The following MST1R variants were observed in gnomAD, a reference collection of about 807,000 sequenced individuals.
The protein encoded by MST1R is macrophage stimulating 1 receptor, also known as macrophage-stimulating protein receptor.
In MST1R, 99 loss-of-function variants were observed where a neutral mutation model predicts 117.8. The observed-to-expected ratio is 0.84, with a 90% CI of 0.71 to 0.99. MST1R has a LOEUF of 0.99. MST1R is among the 50% of genes least tolerant of loss of function. The pLI, the probability that MST1R is intolerant of heterozygous loss-of-function variation, is 0.00. For synonymous variants in MST1R, 734 were observed against 765.3 expected (o/e 0.96, Z 0.68); for missense variants, 1,683 against 1,840.2 (o/e 0.91, Z 1.56).
chr3:49,897,452 C>A, intron 6 of MST1R, 36 bp from the exon 7 acceptor site: 1 of 1,609,742 alleles, frequency 6.2e-7, no homozygotes, highest in South Asian at 1.1e-5. Context: ...GCAGGTCCTC[C>A]ACTCCAAGCC....
intron 15 of MST1R, 24 bp downstream of exon 15, chr3:49,891,734 C>T: frequency 1.2e-6 from 2 of 1,613,642 alleles, no homozygotes; most frequent in Non-Finnish European, 1.7e-6. Flanking sequence ...CTCCCTCTGC[C>T]TTCCCATCTT....
Position 49,903,171 on chromosome 3 carries a change from C to A in MST1R, c.439G>T (p.Asp147Tyr). The change falls in exon 1 of 20, where the codon GAC becomes TAC. Residue 147 changes from aspartate to tyrosine, a missense_variant. Coordinates refer to ENST00000296474, the MANE Select transcript of MST1R (RefSeq NM_002447.4). ...SSLQGRCFLH[D>Y]LEPQGTAVHL... Reference sequence around the variant, plus strand: ...ACGGCTGTCCCTTGGGGCTCTAGGTCATGCAGGAAGCAGCGGCCCTGCAGG... The same window carrying A: ...ACGGCTGTCCCTTGGGGCTCTAGGTAATGCAGGAAGCAGCGGCCCTGCAGG... 1 of 1,605,092 alleles carries A rather than the reference C, an allele frequency of 6.2e-7. No individual in the cohort carries two copies. The highest frequency in any genetic ancestry group is 8.5e-7 in the Non-Finnish European group (1 of 1,180,002).
intron 16 of MST1R, 21 bp from the exon 17 acceptor site, chr3:49,891,327 G>T: frequency 6.2e-7 from 1 of 1,613,974 alleles, no homozygotes. Context: ...AGGTGGGTTG[G>T]TGGGCAAGGG....
rs61729096 is a variant in MST1R at position 49,896,036 on chromosome 3, G to A, written c.2721C>T (p.His907=). ...AGACAACCATGTCCCCCCGGAACTC[G>A]TGCTGGCAGCTCTCACCACCCACGG... ...NVTVGGESCQ[H]EFRGDMVVCP... is the part of the protein sequence containing the mutation. The change falls in exon 11 of 20, where the codon CAC becomes CAT. Residue 907 remains histidine (H), a synonymous_variant. Coordinates refer to ENST00000296474, the MANE Select transcript of MST1R (RefSeq NM_002447.4). 14 of 1,608,056 alleles carry A rather than the reference G, an allele frequency of 8.7e-6. No homozygotes were observed. In the African/African-American group the frequency reaches 1.2e-4, roughly 14 times the overall value.
At position 49,903,119 on chromosome 3, in the gene MST1R, A is replaced by T. The variant is rs1277624397; in HGVS notation, c.491T>A (p.Phe164Tyr). 6.2e-7 allele frequency: 1 copy of T among 1,604,672 alleles called. No homozygotes were observed. The highest frequency in any genetic ancestry group is 8.5e-7 in the Non-Finnish European group (1 of 1,179,996). Residue 164 changes from phenylalanine to tyrosine, a missense_variant, in exon 1 of 20, where the codon TTC (phenylalanine) becomes TAC (tyrosine). Coordinates refer to ENST00000296474, the MANE Select transcript of MST1R (RefSeq NM_002447.4). ...ATCGGGCCGGTTATGGTGGGCTGAG[A>T]AGAGGCAGGCTGGCGCTGCCAGATG... ...AVHLAAPACL[F>Y]SAHHNRPDDC...
chr3:49,896,962 G>A (rs2082497891), intron 7 of MST1R, 72 bp from the exon 8 acceptor site: 1 of 1,432,692 alleles, frequency 7.0e-7, no homozygotes, highest in East Asian at 2.5e-5. Context: ...CCAGGGGCCT[G>A]TTGACCTCTC....
chr3:49,891,740 A>G lies in MST1R; in HGVS notation c.3352+18T>C. On this transcript the variant is annotated intron_variant, in intron 15 of 19. Coordinates refer to ENST00000296474, the MANE Select transcript of MST1R (RefSeq NM_002447.4). Reference sequence around the variant, plus strand: ...CTGAGGCCCCTCCCTCTGCCTTCCCATCTTCTGCCCCACTTACGACTTAGT... The same window carrying G: ...CTGAGGCCCCTCCCTCTGCCTTCCCGTCTTCTGCCCCACTTACGACTTAGT... 6.2e-7 allele frequency: 1 copy of G among 1,613,894 alleles called. No homozygotes were observed. Among genetic ancestry groups the G allele is most frequent in the Non-Finnish European group, 8.5e-7 (1 of 1,179,792 alleles).
Position 49,895,164 on chromosome 3 carries a change from C to T in MST1R, c.3271+3G>A. ...CTGCCCCAGCCCCACCTGGCCCCCA[C>T]ACCTTTGCCAATGACTCGGTCACTG... On this transcript the variant is annotated splice_donor_region_variant and intron_variant, in intron 14 of 19. Coordinates refer to ENST00000296474, the MANE Select transcript of MST1R (RefSeq NM_002447.4). The T allele has an allele frequency of 1.2e-6, 2 of 1,613,864 alleles. No individual in the cohort carries two copies. Among genetic ancestry groups the T allele is most frequent in the Non-Finnish European group, 1.7e-6 (2 of 1,180,036 alleles).
At position 49,898,504 on chromosome 3, in the gene MST1R, C is replaced by T; in HGVS notation, c.1719+14G>A. 1.2e-6 allele frequency: 2 copies of T among 1,611,884 alleles called. No homozygotes were observed. Among genetic ancestry groups the T allele is most frequent in the Non-Finnish European group, 1.7e-6 (2 of 1,179,068 alleles). On this transcript the variant is annotated intron_variant, in intron 4 of 19. Transcript: ENST00000296474. Reference sequence around the variant, plus strand: ...TGTCCCACTCTTACCTGTGCCCTGCCAGGGAAGCCATACCTCAGTAAGCTT... The same window carrying T: ...TGTCCCACTCTTACCTGTGCCCTGCTAGGGAAGCCATACCTCAGTAAGCTT...
Position 49,898,515 on chromosome 3 carries a change from T to C in MST1R, c.1719+3A>G, listed in dbSNP as rs771832619. The C allele has an allele frequency of 3.7e-5, 59 of 1,613,104 alleles. No homozygotes were observed. Among genetic ancestry groups the C allele is most frequent in the Non-Finnish European group, 4.8e-5 (57 of 1,179,768 alleles). On this transcript the variant is annotated splice_donor_region_variant and intron_variant, in intron 4 of 19. Transcript: ENST00000296474. ...TACCTGTGCCCTGCCAGGGAAGCCA[T>C]ACCTCAGTAAGCTTAGGTGGGCAGT... is the stretch of plus-strand genomic sequence containing the variant.
intron 4 of MST1R, 74 bp downstream of exon 4, chr3:49,898,444 A>C (rs1469970397): frequency 6.4e-7 from 1 of 1,557,364 alleles, no homozygotes; most frequent in Non-Finnish European, 8.7e-7. Flanking sequence ...AAAAATTGTG[A>C]TCAAGACTTG....
intron 7 of MST1R, 151 bp downstream of exon 7, chr3:49,897,129 G>A (rs1307311628): frequency 7.9e-7 from 1 of 1,263,820 alleles, no homozygotes; most frequent in East Asian, 2.4e-5. Context: ...CTTGCCTCTG[G>A]GCTGAAGAGG....
chr3:49,902,308 A>T, intron 1 of MST1R, 72 bp downstream of exon 1: 9 of 1,489,470 alleles, frequency 6.0e-6, no homozygotes, highest in African/African-American at 1.4e-5. Flanking sequence ...CCCCTCAGTG[A>T]TGGAAGGGAA....
At position 49,891,396 on chromosome 3, in the gene MST1R, G is replaced by A. The variant is rs2082310566; in HGVS notation, c.3534+3C>T. The A allele has an allele frequency of 6.2e-7, 1 of 1,613,840 alleles. No homozygotes were observed. The highest frequency in any genetic ancestry group is 8.5e-7 in the Non-Finnish European group (1 of 1,179,886). The stretch of plus-strand genomic sequence containing the variant: ...CCCAACCCAGAGCCAGATGAACACT[G>A]ACCCGCTGAGGTGAGCGGATGAACT... On this transcript the variant is annotated splice_donor_region_variant and intron_variant, in intron 16 of 19. Coordinates refer to ENST00000296474, the MANE Select transcript of MST1R (RefSeq NM_002447.4).
In MST1R at chr3:49,896,756, A is replaced by T. The variant is rs2082486403; in HGVS notation, c.2318T>A (p.Leu773Gln). 1 of 1,585,140 alleles carries T rather than the reference A, an allele frequency of 6.3e-7. No individual in the cohort carries two copies. Among genetic ancestry groups the T allele is most frequent in the Non-Finnish European group, 8.6e-7 (1 of 1,164,176 alleles). ...TFQYREDPVV[L>Q]SISPNCGYIN... ...GTAGCCACAGTTGGGGCTGATGCTTAGCACGACAGGGTCTTCTCTGTACTG... is the reference window on the plus strand; with the variant it reads ...GTAGCCACAGTTGGGGCTGATGCTTTGCACGACAGGGTCTTCTCTGTACTG... The change falls in exon 8 of 20, where the codon CTA (leucine) becomes CAA (glutamine). Residue 773 changes from leucine (L) to glutamine (Q), a missense_variant. Transcript: ENST00000296474.
Position 49,898,202 on chromosome 3 carries a change from G to A in MST1R, c.1729C>T (p.His577Tyr), listed in dbSNP as rs142020857. 3.7e-6 allele frequency: 6 copies of A among 1,613,734 alleles called. No homozygotes were observed. The highest frequency in any genetic ancestry group is 3.3e-5 in the Admixed American group (2 of 60,034). ...GTACTGCCCCTTAGAGGTCCACTGT[G>A]GGGGTGGAACTGAAATGGGGGAAAC... ...CPPKLTEFHP[H>Y]SGPLRGSTRL... is the part of the protein sequence containing the mutation. Residue 577 changes from histidine (H) to tyrosine (Y), a missense_variant, in exon 5 of 20, where the codon CAC (histidine) becomes TAC (tyrosine). Transcript: ENST00000296474.
rs1378626970 is a variant in MST1R, at chr3:49,887,674, G to A, written c.3948-112C>T. On this transcript the variant is annotated intron_variant, in intron 19 of 19. Transcript: ENST00000296474. ...ACACAGGGATGAGGATAGATGACAG[G>A]ACCTAGTACCTAGCACTACCCAATC... The A allele has an allele frequency of 2.5e-6, 3 of 1,205,328 alleles. No individual in the cohort carries two copies. In the African/African-American group the frequency reaches 4.5e-5, roughly 18 times the overall value. The allele number at this position is 1,205,328 out of a possible 1,614,324, so 74.7% of individuals were successfully genotyped here. A position where few individuals can be genotyped will look rare whatever the true frequency, so the allele number is the denominator to read the frequency against.
rs752198119 is a variant in MST1R at position 49,903,265 on chromosome 3, G to C, written c.345C>G (p.Pro115=). The part of the protein sequence containing the change: ...AACGPGPHGP[P]GDTDTKVLVL... ...CCAGCACCTTTGTGTCTGTGTCACC[G>C]GGAGGGCCGTGGGGTCCTGGGCCAC... is the stretch of plus-strand genomic sequence containing the variant. Residue 115 remains proline (P), a synonymous_variant, in exon 1 of 20, where the codon CCC becomes CCG. Coordinates refer to ENST00000296474, the MANE Select transcript of MST1R (RefSeq NM_002447.4). The C allele has an allele frequency of 1.2e-6, 2 of 1,609,146 alleles. No homozygotes were observed.
intron 17 of MST1R, among the ~76,000 whole-genome samples, chr3:49,890,930 G>C (rs2108382300): frequency 6.6e-6 from 1 of 152,322 alleles, no homozygotes; most frequent in Middle Eastern, 3.4e-3. Context: ...GTTTCACCGT[G>C]TTAGCCAGGA....
Sources: gnomAD v4.1 joint callset for allele counts (sites outside exome capture counted in the v4.1 genomes callset) on GRCh38, gnomAD v4.1.1 for gene constraint, MANE v1.5 for transcripts, NCBI Gene and HGNC (gene_info 2026-07-23, HGNC 2026-07-21) for gene names.